The following TTC21A variants were observed in gnomAD, a reference collection of about 807,000 sequenced individuals.
The protein encoded by TTC21A is tetratricopeptide repeat protein 21A.
In TTC21A, 128 loss-of-function variants were observed where a neutral mutation model predicts 156.4. The observed-to-expected ratio is 0.82, with a 90% CI of 0.71 to 0.95. The LOEUF (loss-of-function observed/expected upper bound fraction) is 0.95. TTC21A is among the 40% of genes least tolerant of loss of function. TTC21A has a pLI of 0.00. For synonymous variants in TTC21A, 587 were observed against 617.1 expected (o/e 0.95, Z 0.72); for missense variants, 1,435 against 1,602.3 (o/e 0.90, Z 1.78).
At chr3:39,127,049 T>C (rs2038326820) in intron 12 of TTC21A, among the ~76,000 whole-genome samples, 1 of 152,192 alleles carries the variant, frequency 6.6e-6, no homozygotes, top group African/African-American at 2.4e-5. Context: ...GTGAGAACCC[T>C]GTACCATGAG....
In TTC21A at chr3:39,136,406, A is replaced by G; in HGVS notation, c.2994A>G (p.Gly998=). 2 of 1,614,134 alleles carry G rather than the reference A, an allele frequency of 1.2e-6. No individual in the cohort carries two copies. The highest frequency in any genetic ancestry group is 1.7e-6 in the Non-Finnish European group (2 of 1,179,998). The change falls in exon 23 of 29, where the codon GGA becomes GGG. Residue 998 remains glycine, a synonymous_variant. Transcript: ENST00000683103. ...TAATCGATCTGCTAAGAAGAAGTGG[A>G]AAACTTGAAGACATTCCTGCCTTCT... ...HKLIDLLRRS[G]KLEDIPAFFE...
chr3:39,129,105 A>T lies in TTC21A; in HGVS notation c.1930A>T (p.Asn644Tyr). 6.2e-7 allele frequency: 1 copy of T among 1,614,228 alleles called. No individual in the cohort carries two copies. Residue 644 changes from asparagine to tyrosine, a missense_variant, in exon 15 of 29, where the codon AAT becomes TAT. Physicochemically the swap from Asn to Tyr is moderately radical, Grantham distance 143 (BLOSUM62 -2). Transcript: ENST00000683103. ...EATKVMQDTI[N>Y]EFGGTPEENR... is the part of the protein sequence containing the mutation. ...CACCAAGGTCATGCAGGACACCATC[A>T]ATGAGTTCGGTGGCACACCAGAAGA...
Position 39,137,187 on chromosome 3 carries a change from A to G in TTC21A, c.3258-8A>G, listed in dbSNP as rs1043496764. 2.5e-6 allele frequency: 4 copies of G among 1,610,458 alleles called. No homozygotes were observed. On this transcript the variant is annotated splice_region_variant and splice_polypyrimidine_tract_variant and intron_variant, in intron 24 of 28. Coordinates refer to ENST00000683103, the MANE Select transcript of TTC21A (RefSeq NM_001366900.1). Reference sequence around the variant, plus strand: ...CCTGTGTCTGATACCCAGGTCTAACACCTGCAGCTACATGGAGAAGAAGGA... The same window carrying G: ...CCTGTGTCTGATACCCAGGTCTAACGCCTGCAGCTACATGGAGAAGAAGGA...
intron 12 of TTC21A, among the ~76,000 whole-genome samples, chr3:39,127,584 A>T (rs1019645025): frequency 1.3e-5 from 2 of 152,130 alleles, no homozygotes; most frequent in African/African-American, 2.4e-5. Context: ...GGTGCTCCCT[A>T]CCCACCAGGT....
intron 22 of TTC21A, 24 bp from the exon 23 acceptor site, chr3:39,136,333 G>A (rs763359589): frequency 6.2e-7 from 1 of 1,602,582 alleles, no homozygotes; most frequent in African/African-American, 1.3e-5. Context: ...ATTTCAGCCT[G>A]GAGATTTCTG....
In TTC21A at chr3:39,137,244, A is replaced by T; in HGVS notation, c.3307A>T (p.Lys1103Ter). 1 of 1,614,180 alleles carries T rather than the reference A, an allele frequency of 6.2e-7. No individual in the cohort carries two copies. The highest frequency in any genetic ancestry group is 8.5e-7 in the Non-Finnish European group (1 of 1,180,034). Residue 1103 changes from lysine (K) to a stop codon, truncating the protein, a stop_gained, in exon 25 of 29, where the codon AAA becomes TAA. Coordinates refer to ENST00000683103, the MANE Select transcript of TTC21A (RefSeq NM_001366900.1). LOFTEE classifies it high-confidence loss of function. ...LEQQGVSTAE[K>*]LLREFYPHSD... ...GCAGCAGGGTGTGAGCACCGCCGAGAAACTGCTGCGTGAGTTTTACCCACA... is the reference window on the plus strand; with the variant it reads ...GCAGCAGGGTGTGAGCACCGCCGAGTAACTGCTGCGTGAGTTTTACCCACA...
Position 39,130,421 on chromosome 3 carries a change from G to C in TTC21A, c.2319+63G>C. On this transcript the variant is annotated intron_variant, in intron 17 of 28. Transcript: ENST00000683103. This position sits in a 1 kb window ranked among gnomAD's most constrained non-coding sequence, Gnocchi z 4.5. Reference sequence around the variant, plus strand: ...CAGCCCAGCAGGGAAGGAGGAGGACGGTACATGACTGGGGAGCTCTGGGTG... The same window carrying C: ...CAGCCCAGCAGGGAAGGAGGAGGACCGTACATGACTGGGGAGCTCTGGGTG... 1 of 1,345,914 alleles carries C rather than the reference G, an allele frequency of 7.4e-7. No homozygotes were observed. The highest frequency in any genetic ancestry group is 1.0e-6 in the Non-Finnish European group (1 of 967,316). The allele number at this position is 1,345,914 out of a possible 1,614,324, so 83.4% of individuals were successfully genotyped here.
At chr3:39,131,149 AAGG>A in intron 19 of TTC21A, 54 bp downstream of exon 19, 3 of 1,442,868 alleles carry the variant, frequency 2.1e-6, no homozygotes, top group South Asian at 1.2e-5. Context: ...ATGGGGGCTG[AAGG>A]AGGAGGAAGG....
chr3:39,120,024 A>ACAG lies in TTC21A; in HGVS notation c.900+4_900+5insCAG. On this transcript the variant is annotated splice_donor_region_variant and intron_variant, in intron 8 of 28. Coordinates refer to ENST00000683103, the MANE Select transcript of TTC21A (RefSeq NM_001366900.1). ...AATTATTGTGGTTAGCCGACTGGTA[A>ACAG]GAAGGTTCTTTCCTGGTTCTGAAAT... 1 of 1,586,170 alleles carries ACAG rather than the reference A, an allele frequency of 6.3e-7. No homozygotes were observed. Among genetic ancestry groups the ACAG allele is most frequent in the Non-Finnish European group, 8.6e-7 (1 of 1,156,122 alleles).
intron 21 of TTC21A, 85 bp from the exon 22 acceptor site, chr3:39,135,008 A>G (rs910046631): frequency 6.0e-6 from 7 of 1,164,352 alleles, no homozygotes; most frequent in Middle Eastern, 2.5e-4. Context: ...TCTTACCACC[A>G]TCACCCCCAT....
Position 39,110,893 on chromosome 3 carries a change from T to C in TTC21A, c.311T>C (p.Ile104Thr), listed in dbSNP as rs1432897121. Reference sequence around the variant, plus strand: ...GAGCTTGAGTACAGCCTGAAGGAAATACGCAAGACAGTCAGTGGGACTGCA... The same window carrying C: ...GAGCTTGAGTACAGCCTGAAGGAAACACGCAAGACAGTCAGTGGGACTGCA... Reference protein sequence around the residue: ...IQELEYSLKEIRKTVSGTALY... With the variant: ...IQELEYSLKETRKTVSGTALY... The change falls in exon 4 of 29, where the codon ATA (isoleucine) becomes ACA (threonine). Residue 104 changes from isoleucine (I) to threonine (T), a missense_variant. Transcript: ENST00000683103. 4 of 1,613,958 alleles carry C rather than the reference T, an allele frequency of 2.5e-6. No homozygotes were observed. The highest frequency in any genetic ancestry group is 3.4e-6 in the Non-Finnish European group (4 of 1,179,984).
In TTC21A at chr3:39,126,391, G is replaced by A. The variant is rs528936800; in HGVS notation, c.1522+1G>A. On this transcript the variant is annotated splice_donor_variant, in intron 12 of 28. Transcript: ENST00000683103. LOFTEE classifies it high-confidence loss of function. ...ATGGCTCAGGTCAGGTATTACTCAG[G>A]TGAGCGGGGGATCCTGACAGCCGGG... The A allele has an allele frequency of 6.2e-7, 1 of 1,613,258 alleles. No individual in the cohort carries two copies. Among genetic ancestry groups the A allele is most frequent in the Admixed American group, 1.7e-5 (1 of 59,974 alleles).
Position 39,112,542 on chromosome 3 carries a change from A to G in TTC21A, c.520A>G (p.Ile174Val), listed in dbSNP as rs1165837610. The change falls in exon 5 of 29, where the codon ATT becomes GTT. Residue 174 changes from isoleucine (I) to valine (V), a missense_variant. By Grantham distance (29) the Ile-to-Val change is conservative. Coordinates refer to ENST00000683103, the MANE Select transcript of TTC21A (RefSeq NM_001366900.1). ...KKAIEYLEQG[I>V]QDTKDVLGLM... The stretch of plus-strand genomic sequence containing the variant: ...AGCCATTGAGTACCTGGAACAAGGA[A>G]TTCAGGACACCAAAGATGTGCTGGG... The G allele has an allele frequency of 1.2e-6, 2 of 1,614,226 alleles. No individual in the cohort carries two copies. The highest frequency in any genetic ancestry group is 2.2e-5 in the East Asian group (1 of 44,892).
intron 19 of TTC21A, among the ~76,000 whole-genome samples, chr3:39,132,039 A>G (rs784490): frequency 0.68 from 103,803 of 151,868 alleles, 36,640 homozygotes; most frequent in South Asian, 0.8. Context: ...CACCCAGATG[A>G]TATAGCTGAC....
chr3:39,128,394 A>G lies in TTC21A; in HGVS notation c.1586A>G (p.Asp529Gly), dbSNP rs2038438132. ...RCLELDPASVDAHLLMCQIYL... is the reference protein window; with the variant it reads ...RCLELDPASVGAHLLMCQIYL... ...CTGGAGCTGGACCCCGCCTCCGTGGATGCCCATCTCCTCATGTGTCAGATC... is the reference window on the plus strand; with the variant it reads ...CTGGAGCTGGACCCCGCCTCCGTGGGTGCCCATCTCCTCATGTGTCAGATC... The change falls in exon 13 of 29, where the codon GAT becomes GGT. Residue 529 changes from aspartate to glycine, a missense_variant. Asp to Gly is a moderately conservative substitution (Grantham distance 94). Transcript: ENST00000683103. 6.2e-7 allele frequency: 1 copy of G among 1,614,062 alleles called. No individual in the cohort carries two copies. Among genetic ancestry groups the G allele is most frequent in the South Asian group, 1.1e-5 (1 of 91,090 alleles).
chr3:39,112,690 T>A, intron 5 of TTC21A, 110 bp downstream of exon 5: 4 of 1,490,690 alleles, frequency 2.7e-6, no homozygotes, highest in Non-Finnish European at 3.6e-6. Flanking sequence ...ATGCCTCATC[T>A]CGTAGATAAA....
chr3:39,130,240 C>A lies in TTC21A; in HGVS notation c.2209-8C>A. On this transcript the variant is annotated splice_polypyrimidine_tract_variant and splice_region_variant and intron_variant, in intron 16 of 28. Transcript: ENST00000683103. This position sits in a 1 kb window ranked among gnomAD's most constrained non-coding sequence, Gnocchi z 4.5. Reference sequence around the variant, plus strand: ...AAGAGGAAGACCCAAAGACACTTTCCCCACCAGCCCGAGAAGGCCCTGGAG... The same window carrying A: ...AAGAGGAAGACCCAAAGACACTTTCACCACCAGCCCGAGAAGGCCCTGGAG... 1 of 1,612,762 alleles carries A rather than the reference C, an allele frequency of 6.2e-7. No homozygotes were observed. The highest frequency in any genetic ancestry group is 2.2e-5 in the East Asian group (1 of 44,870).
Position 39,109,145 on chromosome 3 carries a change from G to T in TTC21A, c.88G>T (p.Val30Leu), listed in dbSNP as rs61742187. 1,058 of 1,614,184 alleles carry T rather than the reference G, an allele frequency of 6.6e-4. 9 individuals are homozygous for T. The African/African-American group carries it at 0.012, about 19-fold the overall frequency. Reference sequence around the variant, plus strand: ...CCACCATGTGCAGCAGGCTGCAGCTGTGGGCCTGGAAAAATTCAGCAATGA... The same window carrying T: ...CCACCATGTGCAGCAGGCTGCAGCTTTGGGCCTGGAAAAATTCAGCAATGA... Reference protein sequence around the residue: ...YFHHVQQAAAVGLEKFSNDPV... With the variant: ...YFHHVQQAAALGLEKFSNDPV... Residue 30 changes from valine (V) to leucine (L), a missense_variant, in exon 2 of 29, where the codon GTG (valine) becomes TTG (leucine). Physicochemically the swap from Val to Leu is conservative, Grantham distance 32. Coordinates refer to ENST00000683103, the MANE Select transcript of TTC21A (RefSeq NM_001366900.1).
chr3:39,124,715 TG>T (rs2038076323), intron 9 of TTC21A, among the ~76,000 whole-genome samples: 1 of 147,404 alleles, frequency 6.8e-6, no homozygotes, highest in South Asian at 2.2e-4. Context: ...ATTCCCTTTG[TG>T]TATGTGTGTG....
Sources: gnomAD v4.1 joint callset for allele counts (sites outside exome capture counted in the v4.1 genomes callset) on GRCh38, gnomAD v4.1.1 for gene constraint, Gnocchi (gnomAD v3.1) non-coding constraint, MANE v1.5 for transcripts, NCBI Gene and HGNC (gene_info 2026-07-23, HGNC 2026-07-21) for gene names.